TENM4: variants seen among roughly 807,000 people sequenced by gnomAD.
TENM4 encodes teneurin-4.
Under a neutral mutation model 243.3 loss-of-function variants are expected in TENM4, and 82 were observed. The observed-to-expected ratio is 0.34, with a 90% CI of 0.28 to 0.40. The LOEUF is 0.40. Ranked by LOEUF, TENM4 falls within the 10% of genes least tolerant of loss-of-function variation. The probability of loss-of-function intolerance (pLI) is 1.00; values close to 1 mark genes in which losing one functional copy is unlikely to be tolerated. For missense variants in TENM4, 3,138 were observed against 3,673.3 expected, an observed-to-expected ratio of 0.85 and a Z score of 3.77; for synonymous variants, 1,412 against 1,456.3, an observed-to-expected ratio of 0.97 and a Z score of 0.69.
chr11:79,296,667 A>T (rs1208777118), intron 2 of TENM4, among the ~76,000 whole-genome samples: 1 of 152,270 alleles, frequency 6.6e-6, no homozygotes, highest in Non-Finnish European at 1.5e-5. Flanking sequence ...CAAATGTTTT[A>T]GATTTAGTAA....
intron 6 of TENM4, among the ~76,000 whole-genome samples, chr11:78,905,883 T>C (rs998475798): frequency 1.3e-5 from 2 of 152,260 alleles, no homozygotes; most frequent in African/African-American, 4.8e-5. Flanking sequence ...TTTGTCCAGC[T>C]GTCCTCAGGT....
chr11:78,912,318 G>A (rs536493528), intron 6 of TENM4, among the ~76,000 whole-genome samples: 49 of 152,284 alleles, frequency 3.2e-4, no homozygotes, highest in African/African-American at 1.1e-3. Flanking sequence ...GCAGTGGTGC[G>A]ATCTCAGCCC....
chr11:78,688,277 C>A, intron 28 of TENM4, 51 bp from the exon 29 acceptor site: 1 of 1,566,752 alleles, frequency 6.4e-7, no homozygotes, highest in South Asian at 1.2e-5. Context: ...GGTGCTCTAG[C>A]TGGAACTTGG....
chr11:79,375,677 T>C (rs1314109506), intron 1 of TENM4, among the ~76,000 whole-genome samples: 1 of 152,176 alleles, frequency 6.6e-6, no homozygotes, highest in Non-Finnish European at 1.5e-5. Flanking sequence ...ACCCCTGCCC[T>C]TCGGAAGAAA....
At chr11:78,945,910 G>C (rs181200074) in intron 6 of TENM4, among the ~76,000 whole-genome samples, 12 of 152,320 alleles carry the variant, frequency 7.9e-5, no homozygotes, top group African/African-American at 2.9e-4. Flanking sequence ...AGCTGTCTAA[G>C]AAAAGTTTCA....
At chr11:79,363,141 C>A (rs971435047) in intron 1 of TENM4, among the ~76,000 whole-genome samples, 11 of 152,004 alleles carry the variant, frequency 7.2e-5, no homozygotes, top group African/African-American at 2.7e-4. Context: ...TAAAACTTTA[C>A]ATTAAAAATC....
At chr11:78,720,437 T>C in intron 24 of TENM4, 47 bp from the exon 25 acceptor site, 1 of 1,608,752 alleles carries the variant, frequency 6.2e-7, no homozygotes, top group Non-Finnish European at 8.5e-7. Flanking sequence ...AATGAGGTGT[T>C]AGCAGCAGGG....
chr11:78,788,374 G>T (rs528985226), intron 15 of TENM4, among the ~76,000 whole-genome samples: 5 of 152,242 alleles, frequency 3.3e-5, no homozygotes, highest in African/African-American at 4.8e-5. Flanking sequence ...ATTACGTGCA[G>T]TAACACATCA....
intron 14 of TENM4, among the ~76,000 whole-genome samples, chr11:78,810,435 G>A (rs528364846): frequency 6.6e-6 from 1 of 152,290 alleles, no homozygotes; most frequent in African/African-American, 2.4e-5. Flanking sequence ...GGGTGGGATT[G>A]GAGGCAGCTC....
intron 4 of TENM4, among the ~76,000 whole-genome samples, chr11:79,111,719 C>A (rs912021175): frequency 5.3e-5 from 8 of 152,180 alleles, no homozygotes; most frequent in Non-Finnish European, 1.0e-4. Flanking sequence ...AGGCCATGGG[C>A]CTGCCCTCGG....
intron 6 of TENM4, among the ~76,000 whole-genome samples, chr11:79,058,099 G>T (rs1378319774): frequency 6.6e-6 from 1 of 152,120 alleles, no homozygotes; most frequent in Non-Finnish European, 1.5e-5. Context: ...TAGGTTATGG[G>T]TTCAATTTCT....
At chr11:79,387,033 T>C (rs879544604) in intron 1 of TENM4, among the ~76,000 whole-genome samples, 1 of 152,218 alleles carries the variant, frequency 6.6e-6, no homozygotes, top group Middle Eastern at 3.4e-3. Flanking sequence ...ATAAATAGAT[T>C]ATGTATACTC....
intron 8 of TENM4, among the ~76,000 whole-genome samples, chr11:78,890,498 G>T (rs770264250): frequency 2.0e-5 from 3 of 152,158 alleles, no homozygotes; most frequent in Non-Finnish European, 4.4e-5. Flanking sequence ...TCTCAACTGA[G>T]GATTGGAATA....
chr11:79,202,861 A>G (rs752130215), intron 3 of TENM4, among the ~76,000 whole-genome samples: 7 of 152,208 alleles, frequency 4.6e-5, no homozygotes, highest in Non-Finnish European at 7.3e-5. Flanking sequence ...GCCCATAATG[A>G]CAAACTGTCA....
At chr11:79,249,297 T>C (rs72937364) in intron 2 of TENM4, among the ~76,000 whole-genome samples, 7,888 of 152,256 alleles carry the variant, frequency 0.052, 290 homozygotes, top group Middle Eastern at 0.12. Context: ...TACCTACCCA[T>C]GGGCACAGAG....
In TENM4 at chr11:78,670,301, C is replaced by A. The variant is rs1335777317; in HGVS notation, c.6044G>T (p.Gly2015Val). The A allele has an allele frequency of 6.2e-7, 1 of 1,613,738 alleles. No homozygotes were observed. The highest frequency in any genetic ancestry group is 8.5e-7 in the Non-Finnish European group (1 of 1,179,862). Residue 2015 changes from glycine (G) to valine (V), a missense_variant, in exon 32 of 34, where the codon GGC (glycine) becomes GTC (valine). Gly to Val is a moderately radical substitution (Grantham distance 109). Around this residue, in one of 2 missense-constraint regions of TENM4, gnomAD observed 2,467 missense variants for 3,059.1 expected, o/e 0.81. Transcript: ENST00000278550. ...GTGRRVIYKY[G>V]KLSKLAETLY... Reference sequence around the variant, plus strand: ...CGTCTCTGCCAGCTTTGACAGTTTGCCATACTTGTATATCACCCTGCGGCC... The same window carrying A: ...CGTCTCTGCCAGCTTTGACAGTTTGACATACTTGTATATCACCCTGCGGCC...
chr11:79,187,897 T>C (rs529754081), intron 3 of TENM4, among the ~76,000 whole-genome samples: 5 of 152,294 alleles, frequency 3.3e-5, no homozygotes, highest in South Asian at 2.1e-4. Context: ...GCCTCCAGAA[T>C]GGAATGCAAT....
intron 20 of TENM4, among the ~76,000 whole-genome samples, chr11:78,735,006 C>T (rs934292369): frequency 6.6e-6 from 1 of 152,220 alleles, no homozygotes; most frequent in Admixed American, 6.5e-5. Context: ...GATCTTGACT[C>T]TGATAAATCC....
intron 33 of TENM4, among the ~76,000 whole-genome samples, chr11:78,659,278 C>A (rs1857975067): frequency 6.6e-6 from 1 of 152,224 alleles, no homozygotes; most frequent in African/African-American, 2.4e-5. Context: ...GTGATCTTCA[C>A]AATCACCTTA....
Sources: gnomAD v4.1 joint callset for allele counts (sites outside exome capture counted in the v4.1 genomes callset) on GRCh38, gnomAD v4.1.1 for gene constraint, gnomAD v4.1.1 regional missense constraint, MANE v1.5 for transcripts, NCBI Gene and HGNC (gene_info 2026-07-23, HGNC 2026-07-21) for gene names.